OSGIN2: variants seen among roughly 807,000 people sequenced by gnomAD.
OSGIN2 encodes oxidative stress induced growth inhibitor family member 2.
A neutral mutation model predicts 53.8 loss-of-function variants in OSGIN2; 19 were observed. That is an observed-to-expected ratio of 0.35 (90% CI 0.25 to 0.52). The LOEUF (loss-of-function observed/expected upper bound fraction) is 0.52. OSGIN2 is among the 20% of genes least tolerant of loss of function. OSGIN2 has a pLI of 0.95. For synonymous variants in OSGIN2, 236 were observed against 236.0 expected, an observed-to-expected ratio of 1.00 and a Z score of 0.00; for missense variants, 520 against 662.7, an observed-to-expected ratio of 0.78 and a Z score of 2.36.
chr8:89,902,908 C>A, intron 1 of OSGIN2, 71 bp downstream of exon 1: 2 of 1,039,776 alleles, frequency 1.9e-6, no homozygotes, highest in Non-Finnish European at 2.5e-6. Context: ...TGGCCTGGCC[C>A]GGGCCGGGAC....
chr8:89,923,895 A>G (rs1478439274), intron 5 of OSGIN2, among the ~76,000 whole-genome samples: 2 of 141,862 alleles, frequency 1.4e-5, no homozygotes, highest in African/African-American at 3.1e-5. Context: ...CAAGTTTTTC[A>G]TAACAGTTAT....
At chr8:89,922,621 G>T (rs1320030259) in intron 5 of OSGIN2, among the ~76,000 whole-genome samples, 1 of 152,142 alleles carries the variant, frequency 6.6e-6, no homozygotes, top group African/African-American at 2.4e-5. Context: ...GAGATTGGTG[G>T]AGTTTGAGTT....
rs538828382 is a variant in OSGIN2 at position 89,927,827 on chromosome 8, T to C, written c.*2295T>C. The C allele has an allele frequency of 3.0e-4, 45 of 152,328 alleles. No individual in the cohort carries two copies. The highest frequency in any genetic ancestry group is 9.9e-4 in the African/African-American group (41 of 41,574). 9.4% of individuals were successfully genotyped at this position (152,328 alleles called of 1,614,324 possible). A position where few individuals can be genotyped will look rare whatever the true frequency, so the allele number is the denominator to read the frequency against. Reference sequence around the variant, plus strand: ...AATTTTAGTTGATTGTATTAGTCAATAGGAAGTGGTGGAAAATTTCTAAAT... The same window carrying C: ...AATTTTAGTTGATTGTATTAGTCAACAGGAAGTGGTGGAAAATTTCTAAAT... On this transcript the variant is annotated 3_prime_UTR_variant, in exon 6 of 6. Coordinates refer to ENST00000451899, the MANE Select transcript of OSGIN2 (RefSeq NM_001126111.3).
At chr8:89,910,938 C>G (rs1312159603) in intron 2 of OSGIN2, among the ~76,000 whole-genome samples, 1 of 152,216 alleles carries the variant, frequency 6.6e-6, no homozygotes, top group Non-Finnish European at 1.5e-5. Context: ...TATATGTTTT[C>G]TGTTGCCGCT....
rs761377419 is a variant in OSGIN2 at position 89,925,787 on chromosome 8, C to G, written c.*255C>G. ...TAAGCTTTCATTTAACTAAAACATT[C>G]TTTTCTTGCAAAACTTATTTTTCAT... On this transcript the variant is annotated 3_prime_UTR_variant, in exon 6 of 6. Coordinates refer to ENST00000451899, the MANE Select transcript of OSGIN2 (RefSeq NM_001126111.3). The G allele has an allele frequency of 2.7e-6, 1 of 370,298 alleles. No homozygotes were observed. Among genetic ancestry groups the G allele is most frequent in the African/African-American group, 2.0e-5 (1 of 48,904 alleles). The allele number at this position is 370,298 out of a possible 1,614,324, so 22.9% of individuals were successfully genotyped here. A position where few individuals can be genotyped will look rare whatever the true frequency, so the allele number is the denominator to read the frequency against.
chr8:89,909,068 T>C (rs561356282), intron 1 of OSGIN2, among the ~76,000 whole-genome samples: 50 of 127,122 alleles, frequency 3.9e-4, no homozygotes, highest in Non-Finnish European at 7.6e-4. Context: ...ATATATATAA[T>C]GTATATGTAG....
chr8:89,909,530 T>G, intron 1 of OSGIN2, 37 bp from the exon 2 acceptor site: 1 of 1,190,290 alleles, frequency 8.4e-7, no homozygotes, highest in Non-Finnish European at 1.2e-6. Flanking sequence ...CTATATTGAC[T>G]ATATCTCTTT....
intron 5 of OSGIN2, among the ~76,000 whole-genome samples, chr8:89,924,017 G>C (rs16901712): frequency 0.066 from 10,055 of 152,200 alleles, 984 homozygotes; most frequent in African/African-American, 0.22. Context: ...ATTATTTTCA[G>C]CTGTTAGGAA....
intron 2 of OSGIN2, among the ~76,000 whole-genome samples, chr8:89,913,791 A>G (rs1407253287): frequency 2.0e-5 from 3 of 152,238 alleles, no homozygotes; most frequent in Non-Finnish European, 4.4e-5. Flanking sequence ...GGTAGAATCA[A>G]GAAGTGGAAT....
At position 89,909,628 on chromosome 8, in the gene OSGIN2, G is replaced by T. The variant is rs201621169; in HGVS notation, c.106G>T (p.Asp36Tyr). ...TAATTCCTTAGTGCAATACTTTGGTGACAACTTGGGGCGAAAAGTTAAAGC... is the reference window on the plus strand; with the variant it reads ...TAATTCCTTAGTGCAATACTTTGGTTACAACTTGGGGCGAAAAGTTAAAGC... ...IFNSLVQYFGDNLGRKVKAMP... is the reference protein window; with the variant it reads ...IFNSLVQYFGYNLGRKVKAMP... Residue 36 changes from aspartate to tyrosine, a missense_variant, in exon 2 of 6, where the codon GAC becomes TAC. Physicochemically the swap from Asp to Tyr is radical, Grantham distance 160. Around this residue, in one of 3 missense-constraint regions of OSGIN2, gnomAD observed 203 missense variants for 275.3 expected, o/e 0.74. Transcript: ENST00000451899. 531 of 1,609,712 alleles carry T rather than the reference G, an allele frequency of 3.3e-4. No homozygotes were observed. The highest frequency in any genetic ancestry group is 2.0e-4 in the Non-Finnish European group (239 of 1,177,174).
At chr8:89,904,128 ATT>A (rs1355327835) in intron 1 of OSGIN2, among the ~76,000 whole-genome samples, 2 of 152,186 alleles carry the variant, frequency 1.3e-5, no homozygotes, top group Non-Finnish European at 2.9e-5. Context: ...AAACTGCTTG[ATT>A]TTAACTTTTA....
intron 1 of OSGIN2, among the ~76,000 whole-genome samples, chr8:89,904,301 CT>C (rs1325140320): frequency 6.6e-6 from 1 of 152,124 alleles, no homozygotes; most frequent in East Asian, 1.9e-4. Context: ...TATTTGACAC[CT>C]TTTGATGCAC....
intron 1 of OSGIN2, among the ~76,000 whole-genome samples, chr8:89,903,546 T>A (rs1355265826): frequency 6.6e-6 from 1 of 152,218 alleles, no homozygotes; most frequent in East Asian, 1.9e-4. Context: ...CATATACTGA[T>A]GTTCCAGAAT....
Position 89,917,562 on chromosome 8 carries a change from CTG to C in OSGIN2, c.528+2819_528+2820del, listed in dbSNP as rs563690572. Among the ~76,000 whole-genome samples the C allele has an allele frequency of 3.9e-5, 6 of 152,326 alleles. No homozygotes were observed. The East Asian group carries it at 1.2e-3, about 29-fold the overall frequency. Reference sequence around the variant, plus strand: ...GACCCCCAGAAAAAAAATTATACAACTGTGAAAATATTCTCCACTCTCAGTTG... The same window carrying C: ...GACCCCCAGAAAAAAAATTATACAACTGAAAATATTCTCCACTCTCAGTTG... On this transcript the variant is annotated intron_variant, in intron 4 of 5. Coordinates refer to ENST00000451899, the MANE Select transcript of OSGIN2 (RefSeq NM_001126111.3).
chr8:89,908,689 G>C (rs1808889145), intron 1 of OSGIN2, among the ~76,000 whole-genome samples: 1 of 152,062 alleles, frequency 6.6e-6, no homozygotes, highest in Non-Finnish European at 1.5e-5. Flanking sequence ...AACATTACCT[G>C]TGTGCAGGAG....
At chr8:89,918,942 GTT>G (rs1271611406) in intron 4 of OSGIN2, among the ~76,000 whole-genome samples, 8 of 152,072 alleles carry the variant, frequency 5.3e-5, no homozygotes, top group Non-Finnish European at 1.2e-4. Context: ...TTTCTAAATG[GTT>G]TTCTTACTCA....
rs1301146445 is a variant in OSGIN2, at chr8:89,927,843, A to G, written c.*2311A>G. On this transcript the variant is annotated 3_prime_UTR_variant, in exon 6 of 6. Transcript: ENST00000451899. ...ATTAGTCAATAGGAAGTGGTGGAAAATTTCTAAATAAATTCAACTATTAAA... is the reference window on the plus strand; with the variant it reads ...ATTAGTCAATAGGAAGTGGTGGAAAGTTTCTAAATAAATTCAACTATTAAA... The G allele has an allele frequency of 1.3e-5, 2 of 152,212 alleles. No individual in the cohort carries two copies. The highest frequency in any genetic ancestry group is 1.5e-5 in the Non-Finnish European group (1 of 68,030). 9.4% of individuals were successfully genotyped at this position (152,212 alleles called of 1,614,324 possible).
At position 89,922,168 on chromosome 8, in the gene OSGIN2, AC is replaced by A. The variant is rs1809220425; in HGVS notation, c.620+998del. On this transcript the variant is annotated intron_variant, in intron 5 of 5. Transcript: ENST00000451899. ...TTGACTACTCACAAAATAAGAAGTT[AC>A]GTAACCTTTGTTAGAACAGGGATGT... Among the ~76,000 whole-genome samples the A allele has an allele frequency of 8.5e-5, 13 of 152,362 alleles. No homozygotes were observed. In the South Asian group the frequency reaches 2.7e-3, roughly 32 times the overall value.
At position 89,925,650 on chromosome 8, in the gene OSGIN2, T is replaced by C; in HGVS notation, c.*118T>C. 3 of 684,690 alleles carry C rather than the reference T, an allele frequency of 4.4e-6. No homozygotes were observed. The highest frequency in any genetic ancestry group is 7.2e-6 in the Non-Finnish European group (3 of 417,752). The allele number at this position is 684,690 out of a possible 1,614,324, so 42.4% of individuals were successfully genotyped here. A position where few individuals can be genotyped will look rare whatever the true frequency, so the allele number is the denominator to read the frequency against. ...AGTTAACTGAAGGAGAGCCTCAAAC[T>C]ATAGTAACTTCATTTTTAAAAGTTA... is the stretch of plus-strand genomic sequence containing the variant. On this transcript the variant is annotated 3_prime_UTR_variant, in exon 6 of 6. Transcript: ENST00000451899.
Sources: gnomAD v4.1 joint callset for allele counts (sites outside exome capture counted in the v4.1 genomes callset) on GRCh38, gnomAD v4.1.1 for gene constraint, gnomAD v4.1.1 regional missense constraint, MANE v1.5 for transcripts, NCBI Gene and HGNC (gene_info 2026-07-23, HGNC 2026-07-21) for gene names.